Variants in GNA14 observed in about 807,000 individuals in gnomAD.
GNA14 encodes the protein G protein subunit alpha 14.
A neutral mutation model predicts 42.0 loss-of-function variants in GNA14; 50 were observed. That is an observed-to-expected ratio of 1.19 (90% confidence interval 0.95 to 1.51). GNA14 has a LOEUF of 1.51. Ranked by LOEUF, GNA14 falls within the 40% of genes most tolerant of loss-of-function variation. The probability of loss-of-function intolerance (pLI) is 0.00; values close to 1 mark genes in which losing one functional copy is unlikely to be tolerated. For synonymous variants in GNA14, 173 were observed against 163.1 expected (o/e 1.06, Z -0.46); for missense variants, 473 against 446.2 (o/e 1.06, Z -0.54).
intron 1 of GNA14, among the ~76,000 whole-genome samples, chr9:77,581,599 G>T (rs1048654231): frequency 1.1e-4 from 17 of 152,128 alleles, no homozygotes; most frequent in African/African-American, 4.1e-4. Context: ...AGGGAATTTT[G>T]GTGCAAAAGA....
chr9:77,604,550 C>T (rs774912284), intron 1 of GNA14, among the ~76,000 whole-genome samples: 135 of 152,296 alleles, frequency 8.9e-4, no homozygotes, highest in Non-Finnish European at 1.6e-3. Flanking sequence ...TCTGAAAACA[C>T]AGTAAGATAA....
chr9:77,520,044 T>G (rs1294784451), intron 2 of GNA14, among the ~76,000 whole-genome samples: 1 of 152,018 alleles, frequency 6.6e-6, no homozygotes, highest in African/African-American at 2.4e-5. Context: ...AGCCCAGACT[T>G]CACCACTATG....
At chr9:77,563,896 G>C (rs1185649771) in intron 1 of GNA14, among the ~76,000 whole-genome samples, 1 of 152,130 alleles carries the variant, frequency 6.6e-6, no homozygotes, top group African/African-American at 2.4e-5. Context: ...TTATCCAGAA[G>C]ACCAGCACTA....
chr9:77,633,821 G>T (rs907282464), intron 1 of GNA14, among the ~76,000 whole-genome samples: 15 of 152,258 alleles, frequency 9.9e-5, no homozygotes, highest in Admixed American at 7.8e-4. Context: ...CATAGGATAG[G>T]CCTCAATTTT....
chr9:77,579,846 C>G (rs577696495), intron 1 of GNA14, among the ~76,000 whole-genome samples: 2 of 152,302 alleles, frequency 1.3e-5, no homozygotes, highest in East Asian at 1.9e-4. Flanking sequence ...GATGCCCCTT[C>G]CTTGCCACCA....
intron 1 of GNA14, among the ~76,000 whole-genome samples, chr9:77,644,833 C>A (rs1824329485): frequency 6.6e-6 from 1 of 152,204 alleles, no homozygotes; most frequent in African/African-American, 2.4e-5. Context: ...ATCATTTTCC[C>A]TTATTTAATA....
intron 1 of GNA14, among the ~76,000 whole-genome samples, chr9:77,633,479 C>G (rs1824130743): frequency 1.3e-5 from 2 of 152,060 alleles, no homozygotes; most frequent in Non-Finnish European, 2.9e-5. Flanking sequence ...ACAGGCCATG[C>G]ACAGATTTAA....
chr9:77,493,046 T>TATATATATATATATATATATATATATA (rs1564030867), intron 2 of GNA14, among the ~76,000 whole-genome samples: 1 of 136,634 alleles, frequency 7.3e-6, no homozygotes, highest in Non-Finnish European at 1.6e-5. Context: ...TATATATATA[T>TATATATATATATATATATATATATATA]TTGGGAGATG....
At chr9:77,471,422 C>T (rs1836327851) in intron 2 of GNA14, among the ~76,000 whole-genome samples, 1 of 152,012 alleles carries the variant, frequency 6.6e-6, no homozygotes. Context: ...AATGCAGGGG[C>T]TGGGAAGTGT....
At chr9:77,572,304 A>T (rs1564056626) in intron 1 of GNA14, among the ~76,000 whole-genome samples, 1 of 152,232 alleles carries the variant, frequency 6.6e-6, no homozygotes, top group African/African-American at 2.4e-5. Context: ...TATAAAATGC[A>T]TCAATGGAAT....
chr9:77,613,884 A>G (rs1215002213), intron 1 of GNA14, among the ~76,000 whole-genome samples: 1 of 152,164 alleles, frequency 6.6e-6, no homozygotes, highest in Non-Finnish European at 1.5e-5. Context: ...AATGAGAGGA[A>G]CATGTTCATT....
rs1025251471 is a variant in GNA14, at chr9:77,423,784, G to A, written c.*195C>T. On this transcript the variant is annotated 3_prime_UTR_variant, in exon 7 of 7. Transcript: ENST00000341700. Reference sequence around the variant, plus strand: ...AATAATTATAAACACAATTTGGGATGTAAGGACTTTTAAAGTATGTTGGTA... The same window carrying A: ...AATAATTATAAACACAATTTGGGATATAAGGACTTTTAAAGTATGTTGGTA... 4 of 370,814 alleles carry A rather than the reference G, an allele frequency of 1.1e-5. No homozygotes were observed. The highest frequency in any genetic ancestry group is 1.9e-5 in the Non-Finnish European group (4 of 206,980). The allele number at this position is 370,814 out of a possible 1,614,324, so 23.0% of individuals were successfully genotyped here.
chr9:77,452,017 C>T (rs1385023846), intron 2 of GNA14, among the ~76,000 whole-genome samples: 2 of 152,186 alleles, frequency 1.3e-5, no homozygotes, highest in Non-Finnish European at 2.9e-5. Flanking sequence ...TGTCCATGCT[C>T]ACTATGTGCT....
intron 1 of GNA14, among the ~76,000 whole-genome samples, chr9:77,565,520 C>T (rs1333867136): frequency 6.6e-6 from 1 of 152,158 alleles, no homozygotes. Context: ...TGCAGTGGCA[C>T]AATCTCGGCT....
At chr9:77,424,279 G>A (rs1182713112) in intron 6 of GNA14, 110 bp from the exon 7 acceptor site, 2 of 685,902 alleles carry the variant, frequency 2.9e-6, no homozygotes, top group African/African-American at 3.6e-5. Flanking sequence ...CTGGAGTGCA[G>A]TGGCACGGTC....
chr9:77,455,770 A>G (rs1021071108), intron 2 of GNA14, among the ~76,000 whole-genome samples: 11 of 152,198 alleles, frequency 7.2e-5, no homozygotes, highest in Non-Finnish European at 1.6e-4. Flanking sequence ...GAATCGCATG[A>G]GTGAACCTGA....
chr9:77,593,382 C>T (rs997199845), intron 1 of GNA14, among the ~76,000 whole-genome samples: 2 of 149,356 alleles, frequency 1.3e-5, no homozygotes, highest in African/African-American at 5.1e-5. Context: ...GGCTGGAGTG[C>T]AGTGGTGTGA....
intron 4 of GNA14, among the ~76,000 whole-genome samples, chr9:77,429,455 T>G (rs569639221): frequency 6.6e-6 from 1 of 152,310 alleles, no homozygotes; most frequent in Admixed American, 6.5e-5. Flanking sequence ...CTATTCTGTT[T>G]TTGTGGCTCC....
chr9:77,575,550 A>AT (rs907116957), intron 1 of GNA14, among the ~76,000 whole-genome samples: 11 of 152,086 alleles, frequency 7.2e-5, no homozygotes, highest in Non-Finnish European at 1.2e-4. Context: ...TTACTTGAAG[A>AT]TTTTTTTTAA....
Sources: gnomAD v4.1 joint callset for allele counts (sites outside exome capture counted in the v4.1 genomes callset) on GRCh38, gnomAD v4.1.1 for gene constraint, MANE v1.5 for transcripts, NCBI Gene and HGNC (gene_info 2026-07-23, HGNC 2026-07-21) for gene names.